Variants in WWOX observed in about 807,000 individuals in gnomAD.
The protein encoded by WWOX is WW domain-containing oxidoreductase.
WWOX carries 69 observed loss-of-function variants against 46.2 expected under a neutral mutation model. The ratio of observed to expected loss-of-function variants is 1.49; its 90% CI spans 1.23 to 1.82. The LOEUF is 1.82. WWOX is among the 40% of genes most tolerant of loss of function. The pLI is 0.00. For missense variants in WWOX, 919 were observed against 542.6 expected, an observed-to-expected ratio of 1.69 and a Z score of -6.89; for synonymous variants, 359 against 202.6, an observed-to-expected ratio of 1.77 and a Z score of -6.56.
At chr16:79,190,523 C>A (rs902103984) in intron 8 of WWOX, among the ~76,000 whole-genome samples, 3 of 152,150 alleles carry the variant, frequency 2.0e-5, no homozygotes, top group Admixed American at 1.3e-4. Context: ...CCCTCTGGCT[C>A]CACTGAAATT....
chr16:78,914,723 C>CA (rs1232385089), intron 8 of WWOX, among the ~76,000 whole-genome samples: 1 of 150,168 alleles, frequency 6.7e-6, no homozygotes, highest in Middle Eastern at 3.2e-3. Flanking sequence ...ACTAAAAATA[C>CA]AAAAAATTAA....
chr16:78,701,846 C>A, intron 8 of WWOX, among the ~76,000 whole-genome samples: 1 of 150,982 alleles, frequency 6.6e-6, no homozygotes, highest in African/African-American at 2.4e-5. Flanking sequence ...CAGCTCTCAG[C>A]GTAAAGCAGT....
intron 5 of WWOX, among the ~76,000 whole-genome samples, chr16:78,223,650 A>G (rs1467796267): frequency 6.6e-6 from 1 of 152,196 alleles, no homozygotes; most frequent in Non-Finnish European, 1.5e-5. Context: ...GGATGGAGCC[A>G]TCCTTTCAGT....
At chr16:79,168,603 G>A (rs1010606677) in intron 8 of WWOX, among the ~76,000 whole-genome samples, 1 of 151,610 alleles carries the variant, frequency 6.6e-6, no homozygotes, top group African/African-American at 2.4e-5. Context: ...AAATGTGGAG[G>A]GAGGCAAGAG....
chr16:78,197,398 A>G (rs2036088539), intron 5 of WWOX, among the ~76,000 whole-genome samples: 1 of 152,366 alleles, frequency 6.6e-6, no homozygotes. Flanking sequence ...TGGATATAAT[A>G]TGATTTTTCA....
intron 8 of WWOX, among the ~76,000 whole-genome samples, chr16:79,045,933 C>A (rs1181697335): frequency 6.6e-6 from 1 of 151,674 alleles, no homozygotes; most frequent in Admixed American, 6.6e-5. Context: ...TCCCAAGTAG[C>A]TGGGACTACA....
chr16:78,432,069 GATGT>G (rs2083232128), intron 7 of WWOX, among the ~76,000 whole-genome samples: 1 of 150,998 alleles, frequency 6.6e-6, no homozygotes. Flanking sequence ...ACTTTGTTTT[GATGT>G]ATGTAAGATT....
At chr16:78,879,134 G>A (rs1160115524) in intron 8 of WWOX, among the ~76,000 whole-genome samples, 1 of 152,092 alleles carries the variant, frequency 6.6e-6, no homozygotes, top group Non-Finnish European at 1.5e-5. Flanking sequence ...ACTTGTTAAG[G>A]CAGAAAAACG....
At chr16:78,121,364 G>C (rs1178919893) in intron 4 of WWOX, among the ~76,000 whole-genome samples, 1 of 152,180 alleles carries the variant, frequency 6.6e-6, no homozygotes, top group Non-Finnish European at 1.5e-5. Flanking sequence ...ATTCTTGACA[G>C]TGTTAGACAA....
chr16:78,371,841 T>G (rs1401834110), intron 5 of WWOX, among the ~76,000 whole-genome samples: 1 of 152,244 alleles, frequency 6.6e-6, no homozygotes, highest in African/African-American at 2.4e-5. Context: ...TTCTCTCTTT[T>G]AATCATGTGT....
intron 8 of WWOX, among the ~76,000 whole-genome samples, chr16:79,162,975 T>C (rs1567591227): frequency 6.6e-6 from 1 of 152,224 alleles, no homozygotes; most frequent in African/African-American, 2.4e-5. Context: ...TCCTTATGGA[T>C]AGATTTAGTT....
rs1045416708 is a variant in WWOX at position 78,321,826 on chromosome 16, C to T, written c.517-65034C>T. 5.9e-5 allele frequency among the ~76,000 whole-genome samples: 9 copies of T among 152,088 alleles called. No individual in the cohort carries two copies. In the South Asian group the frequency reaches 8.3e-4, roughly 14 times the overall value. ...TTTCCAGCACAGCTCTAAAGAGCGA[C>T]GCTTGGAGGCTGGGGAGAGGGGGAT... On this transcript the variant is annotated intron_variant, in intron 5 of 8. Transcript: ENST00000566780.
chr16:78,258,261 G>T (rs991651525), intron 5 of WWOX, among the ~76,000 whole-genome samples: 2 of 152,016 alleles, frequency 1.3e-5, no homozygotes, highest in Non-Finnish European at 2.9e-5. Context: ...TTTATTTAAC[G>T]TACCAGCAAA....
intron 8 of WWOX, among the ~76,000 whole-genome samples, chr16:78,798,994 AC>A (rs2050816058): frequency 6.6e-6 from 1 of 152,198 alleles, no homozygotes; most frequent in South Asian, 2.1e-4. Flanking sequence ...GCCGTAAACA[AC>A]AATGTGAGCA....
At chr16:78,909,788 G>C (rs895670657) in intron 8 of WWOX, among the ~76,000 whole-genome samples, 25 of 152,184 alleles carry the variant, frequency 1.6e-4, no homozygotes, top group Non-Finnish European at 2.9e-4. Context: ...CAAATGTAGA[G>C]GGTCAGGAAA....
At chr16:78,903,772 C>A (rs2044887922) in intron 8 of WWOX, among the ~76,000 whole-genome samples, 1 of 152,186 alleles carries the variant, frequency 6.6e-6, no homozygotes, top group African/African-American at 2.4e-5. Flanking sequence ...AAAAGTCACC[C>A]GTGGGTTCCT....
At chr16:79,101,578 C>T (rs1405265738) in intron 8 of WWOX, 1 of 152,034 alleles carries the variant, frequency 6.6e-6, no homozygotes, top group Non-Finnish European at 1.5e-5. Flanking sequence ...TCTAGCATCC[C>T]TGGTGAATCT....
intron 8 of WWOX, among the ~76,000 whole-genome samples, chr16:78,504,362 T>A (rs1393163770): frequency 6.6e-6 from 1 of 152,234 alleles, no homozygotes; most frequent in East Asian, 1.9e-4. Flanking sequence ...CTTTCTGAGA[T>A]TCACATATGT....
intron 8 of WWOX, among the ~76,000 whole-genome samples, chr16:78,816,424 T>G (rs2051331433): frequency 6.8e-6 from 1 of 146,574 alleles, no homozygotes; most frequent in African/African-American, 2.5e-5. Flanking sequence ...AATGTGAAAA[T>G]AGAAATGGAG....
Sources: allele counts gnomAD v4.1 joint callset (sites outside exome capture counted in the v4.1 genomes callset), GRCh38; gene constraint gnomAD v4.1.1; transcripts MANE v1.5; gene names NCBI Gene and HGNC (gene_info 2026-07-23, HGNC 2026-07-21).